The following TENM4 variants were observed in gnomAD, a reference collection of about 807,000 sequenced individuals.
TENM4 encodes teneurin transmembrane protein 4.
TENM4 carries 82 observed loss-of-function variants against 243.3 expected under a neutral mutation model. The observed-to-expected ratio is 0.34, with a 90% CI of 0.28 to 0.40. The LOEUF is 0.40. Ranked by LOEUF, TENM4 falls within the 10% of genes least tolerant of loss-of-function variation. The pLI is 1.00. For missense variants in TENM4, 3,138 were observed against 3,673.3 expected (o/e 0.85, Z 3.77); for synonymous variants, 1,412 against 1,456.3 (o/e 0.97, Z 0.69).
At chr11:79,171,724 C>T (rs541494014) in intron 3 of TENM4, among the ~76,000 whole-genome samples, 9 of 152,108 alleles carry the variant, frequency 5.9e-5, no homozygotes, top group African/African-American at 1.2e-4. Context: ...TGCTGTAGAA[C>T]GTAGCCTAAA....
At chr11:79,366,019 T>C (rs1430391948) in intron 1 of TENM4, among the ~76,000 whole-genome samples, 1 of 152,212 alleles carries the variant, frequency 6.6e-6, no homozygotes, top group Non-Finnish European at 1.5e-5. Flanking sequence ...ATGCTTCAAG[T>C]GATCAAGAGC....
rs1347712174 is a variant in TENM4 at position 78,903,266 on chromosome 11, A to C, written c.749+2T>G. 6.7e-7 allele frequency: 1 copy of C among 1,489,910 alleles called. No individual in the cohort carries two copies. Among genetic ancestry groups the C allele is most frequent in the Admixed American group, 2.8e-5 (1 of 35,198 alleles). 92.3% of individuals were successfully genotyped at this position (1,489,910 alleles called of 1,614,324 possible). A position where few individuals can be genotyped will look rare whatever the true frequency, so the allele number is the denominator to read the frequency against. On this transcript the variant is annotated splice_donor_variant, in intron 7 of 33. Coordinates refer to ENST00000278550, the MANE Select transcript of TENM4 (RefSeq NM_001098816.3). LOFTEE classifies it high-confidence loss of function. ...GCCTCACCCTCCCTACCGGCCGCGC[A>C]CCTGGTCTCCAGGGGGATGTTGCTG...
At chr11:78,921,961 C>T (rs1486999048) in intron 6 of TENM4, among the ~76,000 whole-genome samples, 1 of 152,220 alleles carries the variant, frequency 6.6e-6, no homozygotes, top group Non-Finnish European at 1.5e-5. Context: ...AGGCACTGAG[C>T]CTCCTGAAGG....
At position 78,812,439 on chromosome 11, in the gene TENM4, C is replaced by T. The variant is rs953855161; in HGVS notation, c.1784-123G>A. 3 of 1,051,302 alleles carry T rather than the reference C, an allele frequency of 2.9e-6. No individual in the cohort carries two copies. The Admixed American group carries it at 7.1e-5, about 25-fold the overall frequency. The allele number at this position is 1,051,302 out of a possible 1,614,324, so 65.1% of individuals were successfully genotyped here. ...AGCCTCAACTGCTCTGCCACAAACA[C>T]CCATGTGTGCCCATCTGTCTTCTTC... On this transcript the variant is annotated intron_variant, in intron 13 of 33. Coordinates refer to ENST00000278550, the MANE Select transcript of TENM4 (RefSeq NM_001098816.3).
At chr11:79,381,442 A>G (rs12269882) in intron 1 of TENM4, among the ~76,000 whole-genome samples, 28,496 of 151,570 alleles carry the variant, frequency 0.19, 2,732 homozygotes, top group African/African-American at 0.24. Flanking sequence ...TGGCTTCTGC[A>G]GTGGCTAACA....
chr11:79,228,721 C>A (rs478993), intron 2 of TENM4, among the ~76,000 whole-genome samples: 52,063 of 151,880 alleles, frequency 0.34, 11,448 homozygotes, highest in African/African-American at 0.62. Context: ...AAAAAGTCTC[C>A]TGTTTTTTAA....
At chr11:79,281,447 T>C (rs1404459324) in intron 2 of TENM4, among the ~76,000 whole-genome samples, 1 of 152,186 alleles carries the variant, frequency 6.6e-6, no homozygotes, top group East Asian at 1.9e-4. Context: ...GGAGAATGCT[T>C]TTTTAGTTTT....
chr11:78,714,992 G>T (rs909268281), intron 25 of TENM4, among the ~76,000 whole-genome samples: 3 of 152,204 alleles, frequency 2.0e-5, no homozygotes, highest in Non-Finnish European at 4.4e-5. Flanking sequence ...GTTCGTTTTT[G>T]TTTTTCCAAT....
Position 78,657,436 on chromosome 11 carries a change from G to A in TENM4, c.*622C>T, listed in dbSNP as rs1401009265. ...AGGAGTTTGGGGCAGCTTAAAAAAG[G>A]TGCTGAACAACACCATGAAATTCCC... On this transcript the variant is annotated 3_prime_UTR_variant, in exon 34 of 34. Coordinates refer to ENST00000278550, the MANE Select transcript of TENM4 (RefSeq NM_001098816.3). 2 of 371,972 alleles carry A rather than the reference G, an allele frequency of 5.4e-6. No homozygotes were observed. Among genetic ancestry groups the A allele is most frequent in the East Asian group, 3.9e-5 (1 of 25,742 alleles). The allele number at this position is 371,972 out of a possible 1,614,324, so 23.0% of individuals were successfully genotyped here. A position where few individuals can be genotyped will look rare whatever the true frequency, so the allele number is the denominator to read the frequency against.
intron 1 of TENM4, among the ~76,000 whole-genome samples, chr11:79,395,849 G>A (rs993323193): frequency 2.6e-5 from 4 of 152,136 alleles, no homozygotes; most frequent in African/African-American, 9.7e-5. Context: ...CTGGAACTCT[G>A]TACTCAGGAT....
At chr11:79,069,410 G>C (rs972843686) in intron 5 of TENM4, among the ~76,000 whole-genome samples, 6 of 152,220 alleles carry the variant, frequency 3.9e-5, no homozygotes, top group Non-Finnish European at 5.9e-5. Flanking sequence ...AACAGTTGAG[G>C]ACTGAGGCTT....
chr11:79,341,259 A>G (rs1857237273), intron 1 of TENM4, among the ~76,000 whole-genome samples: 1 of 152,210 alleles, frequency 6.6e-6, no homozygotes, highest in Admixed American at 6.5e-5. Context: ...AATGTGTCAT[A>G]GCAGCGATGG....
chr11:79,117,329 G>T (rs1861644095), intron 4 of TENM4, among the ~76,000 whole-genome samples: 1 of 152,116 alleles, frequency 6.6e-6, no homozygotes, highest in Admixed American at 6.5e-5. Flanking sequence ...CATCTTTCTT[G>T]GTTGGCCTAC....
chr11:79,177,108 C>G (rs147668210), intron 3 of TENM4, among the ~76,000 whole-genome samples: 8 of 151,772 alleles, frequency 5.3e-5, no homozygotes, highest in Admixed American at 3.9e-4. Context: ...TGGCCTAGAA[C>G]AGTTGTTTTA....
intron 6 of TENM4, among the ~76,000 whole-genome samples, chr11:78,952,361 G>T (rs890049238): frequency 1.3e-5 from 2 of 152,226 alleles, no homozygotes; most frequent in African/African-American, 2.4e-5. Context: ...AAGGGCTGGG[G>T]CTGCCCTGCT....
At chr11:78,726,791 C>T (rs936799335) in intron 22 of TENM4, among the ~76,000 whole-genome samples, 4 of 152,150 alleles carry the variant, frequency 2.6e-5, no homozygotes, top group African/African-American at 9.7e-5. Flanking sequence ...GTCAAAGCTC[C>T]CTGAGGCTTC....
intron 1 of TENM4, among the ~76,000 whole-genome samples, chr11:79,426,069 C>A (rs951474891): frequency 6.6e-6 from 1 of 152,186 alleles, no homozygotes; most frequent in African/African-American, 2.4e-5. Context: ...CACACTATTT[C>A]CCACCTTCAG....
At chr11:79,332,588 C>A (rs1286935230) in intron 1 of TENM4, among the ~76,000 whole-genome samples, 2 of 152,114 alleles carry the variant, frequency 1.3e-5, no homozygotes, top group African/African-American at 2.4e-5. Flanking sequence ...TCTTTGCAAC[C>A]TCACAGTTTA....
intron 28 of TENM4, among the ~76,000 whole-genome samples, chr11:78,689,199 T>G (rs1858757197): frequency 6.6e-6 from 1 of 152,222 alleles, no homozygotes; most frequent in South Asian, 2.1e-4. Flanking sequence ...ATCTATTTGC[T>G]TCCAAACTGC....
Sources: allele counts gnomAD v4.1 joint callset (sites outside exome capture counted in the v4.1 genomes callset), GRCh38; gene constraint gnomAD v4.1.1; transcripts MANE v1.5; gene names NCBI Gene and HGNC (gene_info 2026-07-23, HGNC 2026-07-21).